The following GULP1 variants were observed in gnomAD, a reference collection of about 807,000 sequenced individuals.
GULP1 encodes PTB domain-containing engulfment adapter protein 1.
A neutral mutation model predicts 40.9 loss-of-function variants in GULP1; 19 were observed. The observed-to-expected ratio is 0.46, with a 90% CI of 0.32 to 0.68. The LOEUF is 0.68. Ranked by LOEUF, GULP1 falls within the 30% of genes least tolerant of loss-of-function variation. The pLI is 0.03. For synonymous variants in GULP1, 119 were observed against 117.6 expected (o/e 1.01, Z -0.08); for missense variants, 312 against 362.2 (o/e 0.86, Z 1.12).
intron 1 of GULP1, among the ~76,000 whole-genome samples, chr2:188,327,589 T>C (rs1489764129): frequency 6.6e-6 from 1 of 152,132 alleles, no homozygotes; most frequent in East Asian, 1.9e-4. Flanking sequence ...CTGCATCTTA[T>C]TCACATGACC....
At chr2:188,579,245 G>A (rs1366579988) in intron 9 of GULP1, among the ~76,000 whole-genome samples, 1 of 152,082 alleles carries the variant, frequency 6.6e-6, no homozygotes, top group Non-Finnish European at 1.5e-5. Flanking sequence ...GAAAGCACAG[G>A]CTACCTTCAA....
chr2:188,474,787 A>G (rs2060874389), intron 2 of GULP1, among the ~76,000 whole-genome samples: 2 of 152,202 alleles, frequency 1.3e-5, no homozygotes, highest in South Asian at 4.1e-4. Flanking sequence ...GGAGCCTTCT[A>G]TTCTGCCATC....
rs1459272400 is a variant in GULP1 at position 188,415,869 on chromosome 2, A to T, written c.-45+31980A>T. ...ATTGAGTCCGATCATTCCCAGTTAA[A>T]CATTAATTCCATTGTTTGCAGAGTG... On this transcript the variant is annotated intron_variant, in intron 2 of 11. Transcript: ENST00000409830. 3.9e-5 allele frequency among the ~76,000 whole-genome samples: 6 copies of T among 152,158 alleles called. 1 individual carries two copies. The highest frequency in any genetic ancestry group is 8.8e-5 in the Non-Finnish European group (6 of 68,012).
At chr2:188,454,791 C>A (rs2059125696) in intron 2 of GULP1, among the ~76,000 whole-genome samples, 1 of 152,166 alleles carries the variant, frequency 6.6e-6, no homozygotes. Context: ...TAAAGTGTAT[C>A]TTTCTCTTCT....
intron 4 of GULP1, among the ~76,000 whole-genome samples, chr2:188,492,776 G>A (rs907297084): frequency 4.6e-5 from 7 of 151,998 alleles, no homozygotes; most frequent in Admixed American, 2.6e-4. Flanking sequence ...TGCCAAAAGC[G>A]ATATTAGTTC....
intron 1 of GULP1, among the ~76,000 whole-genome samples, chr2:188,382,244 T>A (rs1291715384): frequency 6.6e-6 from 1 of 152,114 alleles, no homozygotes; most frequent in Non-Finnish European, 1.5e-5. Context: ...TTAATGCCCC[T>A]GGGAGCAACC....
intron 10 of GULP1, among the ~76,000 whole-genome samples, chr2:188,585,215 C>G (rs138314371): frequency 1.6e-4 from 25 of 152,318 alleles, no homozygotes; most frequent in Non-Finnish European, 3.4e-4. Flanking sequence ...AGCTCCACCT[C>G]TGTGGCTCTG....
At chr2:188,511,876 C>A (rs1187815830) in intron 4 of GULP1, among the ~76,000 whole-genome samples, 2 of 151,928 alleles carry the variant, frequency 1.3e-5, no homozygotes, top group African/African-American at 4.8e-5. Context: ...AAAGGGATAA[C>A]CTTTTTAGAG....
At chr2:188,494,315 C>T (rs1469329862) in intron 4 of GULP1, among the ~76,000 whole-genome samples, 1 of 151,996 alleles carries the variant, frequency 6.6e-6, no homozygotes, top group East Asian at 1.9e-4. Flanking sequence ...TGTATTTCTC[C>T]ACATAGCTAC....
intron 2 of GULP1, among the ~76,000 whole-genome samples, chr2:188,462,766 T>G (rs1056911575): frequency 6.6e-6 from 1 of 152,174 alleles, no homozygotes; most frequent in East Asian, 1.9e-4. Context: ...TTTTATTTTT[T>G]GTATATTCAT....
At chr2:188,431,882 G>A (rs894098900) in intron 2 of GULP1, among the ~76,000 whole-genome samples, 1 of 151,124 alleles carries the variant, frequency 6.6e-6, no homozygotes, top group African/African-American at 2.4e-5. Context: ...TTACTTACTG[G>A]TTTCTTTTTC....
intron 6 of GULP1, among the ~76,000 whole-genome samples, chr2:188,540,627 A>C (rs1690224988): frequency 6.6e-6 from 1 of 152,088 alleles, no homozygotes; most frequent in Non-Finnish European, 1.5e-5. Flanking sequence ...GAACAGGTTC[A>C]AGAGTGTATG....
At chr2:188,483,575 A>G (rs561498859) in intron 4 of GULP1, 83 bp downstream of exon 4, 36 of 532,298 alleles carry the variant, frequency 6.8e-5, no homozygotes, top group African/African-American at 6.3e-4. Flanking sequence ...TTGCTTATGT[A>G]TTGACATTTC....
chr2:188,366,498 C>T (rs1220673321), intron 1 of GULP1, among the ~76,000 whole-genome samples: 6 of 151,922 alleles, frequency 3.9e-5, no homozygotes, highest in Admixed American at 6.6e-5. Context: ...TTTCTTCTTC[C>T]GTCACCTTTT....
chr2:188,353,342 C>G (rs947726822), intron 1 of GULP1, among the ~76,000 whole-genome samples: 2 of 152,060 alleles, frequency 1.3e-5, no homozygotes, highest in African/African-American at 4.8e-5. Context: ...TTATTTTAAC[C>G]TTACGACTGA....
At chr2:188,381,513 A>G (rs867769583) in intron 1 of GULP1, among the ~76,000 whole-genome samples, 1 of 152,154 alleles carries the variant, frequency 6.6e-6, no homozygotes, top group African/African-American at 2.4e-5. Flanking sequence ...AATTGAATTG[A>G]CCATTTTAAG....
At chr2:188,321,027 C>T (rs934763325) in intron 1 of GULP1, among the ~76,000 whole-genome samples, 5 of 151,728 alleles carry the variant, frequency 3.3e-5, no homozygotes. Context: ...GTCTTATTTC[C>T]GCCCTTGGTA....
chr2:188,307,466 T>C (rs1353817936), intron 1 of GULP1, among the ~76,000 whole-genome samples: 2 of 151,788 alleles, frequency 1.3e-5, no homozygotes, highest in Non-Finnish European at 2.9e-5. Context: ...TAAAATATGG[T>C]AGTAGGAAGT....
chr2:188,593,993 G>T lies in GULP1; in HGVS notation c.897G>T (p.Pro299=). 1 of 1,592,964 alleles carries T rather than the reference G, an allele frequency of 6.3e-7. No homozygotes were observed. Among genetic ancestry groups the T allele is most frequent in the Non-Finnish European group, 8.6e-7 (1 of 1,161,650 alleles). The change falls in exon 12 of 12, where the codon CCG becomes CCT. Residue 299 remains proline, a synonymous_variant. Transcript: ENST00000409830. ...AAGGCACAGTATTTTGTCTCGACCC[G>T]TTAGACAGTAGGTGCTGACATCAAG... The part of the protein sequence containing the change: ...TLEGTVFCLD[P]LDSRC
Sources: allele counts gnomAD v4.1 joint callset (sites outside exome capture counted in the v4.1 genomes callset), GRCh38; gene constraint gnomAD v4.1.1; transcripts MANE v1.5; gene names NCBI Gene and HGNC (gene_info 2026-07-23, HGNC 2026-07-21).